The following LHFPL6 variants were observed in gnomAD, a reference collection of about 807,000 sequenced individuals.
LHFPL6 encodes LHFPL tetraspan subfamily member 6 protein.
LHFPL6 carries 9 observed loss-of-function variants against 20.6 expected under a neutral mutation model. The ratio of observed to expected loss-of-function variants is 0.44; its 90% CI spans 0.26 to 0.76. The LOEUF is 0.76. Ranked by LOEUF, LHFPL6 falls within the 30% of genes least tolerant of loss-of-function variation. The pLI, the probability that LHFPL6 is intolerant of heterozygous loss-of-function variation, is 0.20. For synonymous variants in LHFPL6, 105 were observed against 98.7 expected, an observed-to-expected ratio of 1.06 and a Z score of -0.38; for missense variants, 218 against 253.5, an observed-to-expected ratio of 0.86 and a Z score of 0.95.
chr13:39,512,551 G>A (rs1248630268), intron 2 of LHFPL6, among the ~76,000 whole-genome samples: 4 of 144,142 alleles, frequency 2.8e-5, no homozygotes, highest in Admixed American at 7.2e-5. Context: ...GCAGTGAGCC[G>A]AGATTGCGCC....
At position 39,601,243 on chromosome 13, in the gene LHFPL6, C is replaced by T. The variant is rs1158127308; in HGVS notation, c.-27G>A. ...TTTCACCAGATAGGGCAATGAGGAC[C>T]CCAAGTAAGTGTTCAGGGACTGCAG... On this transcript the variant is annotated 5_prime_UTR_variant, in exon 2 of 4. Coordinates refer to ENST00000379589, the MANE Select transcript of LHFPL6 (RefSeq NM_005780.3). 1.3e-6 allele frequency: 2 copies of T among 1,580,166 alleles called. No homozygotes were observed. Among genetic ancestry groups the T allele is most frequent in the Non-Finnish European group, 1.7e-6 (2 of 1,162,200 alleles).
intron 2 of LHFPL6, among the ~76,000 whole-genome samples, chr13:39,444,555 G>T (rs1034171205): frequency 6.6e-6 from 1 of 152,100 alleles, no homozygotes; most frequent in African/African-American, 2.4e-5. Flanking sequence ...ATTGCCTTGG[G>T]ACTCCACTCC....
chr13:39,519,804 G>T (rs1015427616), intron 2 of LHFPL6, among the ~76,000 whole-genome samples: 3 of 152,126 alleles, frequency 2.0e-5, no homozygotes, highest in African/African-American at 7.2e-5. Context: ...GAAGACAAAT[G>T]AGGTAATAGA....
At chr13:39,457,082 G>T (rs552619631) in intron 2 of LHFPL6, among the ~76,000 whole-genome samples, 4 of 152,022 alleles carry the variant, frequency 2.6e-5, no homozygotes, top group African/African-American at 9.7e-5. Flanking sequence ...TTATAGACGT[G>T]AGCCACAGCA....
chr13:39,505,384 T>A (rs1400021074), intron 2 of LHFPL6, among the ~76,000 whole-genome samples: 1 of 151,930 alleles, frequency 6.6e-6, no homozygotes, highest in Non-Finnish European at 1.5e-5. Flanking sequence ...CTACTATGCA[T>A]AAGGAATTGC....
chr13:39,476,580 T>C (rs977952892), intron 2 of LHFPL6, among the ~76,000 whole-genome samples: 8 of 152,202 alleles, frequency 5.3e-5, no homozygotes, highest in African/African-American at 1.9e-4. Context: ...GTAAAAATGT[T>C]AATAAAAACT....
chr13:39,447,201 T>C (rs757296438), intron 2 of LHFPL6, among the ~76,000 whole-genome samples: 15 of 152,238 alleles, frequency 9.9e-5, no homozygotes, highest in Non-Finnish European at 2.2e-4. Flanking sequence ...ATCACGCTTA[T>C]GAAGCACAAA....
chr13:39,568,314 A>C (rs1352814893), intron 2 of LHFPL6, among the ~76,000 whole-genome samples: 1 of 152,052 alleles, frequency 6.6e-6, no homozygotes, highest in Non-Finnish European at 1.5e-5. Flanking sequence ...ATATAAACTT[A>C]AGCAGGAAAA....
intron 2 of LHFPL6, among the ~76,000 whole-genome samples, chr13:39,407,911 G>A (rs899873837): frequency 1.3e-5 from 2 of 152,134 alleles, no homozygotes; most frequent in South Asian, 2.1e-4. Flanking sequence ...GGAAAGAAAC[G>A]GGAGTTTTCC....
chr13:39,592,804 A>G (rs1476530446), intron 2 of LHFPL6, among the ~76,000 whole-genome samples: 5 of 152,240 alleles, frequency 3.3e-5, no homozygotes, highest in Non-Finnish European at 1.5e-5. Flanking sequence ...CCTGGGATGC[A>G]AGGCTGGTTC....
chr13:39,403,422 T>C (rs1393945364), intron 2 of LHFPL6, among the ~76,000 whole-genome samples: 1 of 152,224 alleles, frequency 6.6e-6, no homozygotes, highest in Non-Finnish European at 1.5e-5. Flanking sequence ...TACTCTTCTG[T>C]TACAGTCTGT....
At chr13:39,575,664 C>T (rs560617409) in intron 2 of LHFPL6, among the ~76,000 whole-genome samples, 31 of 152,266 alleles carry the variant, frequency 2.0e-4, no homozygotes, top group African/African-American at 7.2e-4. Context: ...ACTGGGGTAG[C>T]AATTTGCCGG....
chr13:39,424,531 C>A (rs757967742), intron 2 of LHFPL6, among the ~76,000 whole-genome samples: 2 of 152,018 alleles, frequency 1.3e-5, no homozygotes, highest in Non-Finnish European at 2.9e-5. Flanking sequence ...TAGAAGGGCA[C>A]CCGAGTAAAG....
intron 3 of LHFPL6, among the ~76,000 whole-genome samples, chr13:39,355,528 C>T (rs1454647988): frequency 6.6e-6 from 1 of 152,150 alleles, no homozygotes; most frequent in Non-Finnish European, 1.5e-5. Context: ...CAAAACCTCA[C>T]ATATCAATAT....
At chr13:39,529,414 A>C (rs1870393969) in intron 2 of LHFPL6, among the ~76,000 whole-genome samples, 1 of 152,164 alleles carries the variant, frequency 6.6e-6, no homozygotes. Context: ...TTCTATCTAA[A>C]TATATTTAAT....
chr13:39,575,246 A>G (rs1367120246), intron 2 of LHFPL6, among the ~76,000 whole-genome samples: 1 of 152,184 alleles, frequency 6.6e-6, no homozygotes, highest in Non-Finnish European at 1.5e-5. Flanking sequence ...TAAAGACTGA[A>G]AGATGACGTG....
intron 2 of LHFPL6, among the ~76,000 whole-genome samples, chr13:39,430,476 T>C (rs910257844): frequency 2.6e-5 from 4 of 152,214 alleles, no homozygotes; most frequent in Non-Finnish European, 5.9e-5. Flanking sequence ...TCAAAAGTCC[T>C]TGCCAATACA....
intron 2 of LHFPL6, among the ~76,000 whole-genome samples, chr13:39,462,226 G>A (rs1473627363): frequency 6.6e-6 from 1 of 152,152 alleles, no homozygotes; most frequent in African/African-American, 2.4e-5. Context: ...ACCACCTTTA[G>A]AAGAAGAGGC....
intron 2 of LHFPL6, among the ~76,000 whole-genome samples, chr13:39,520,120 G>C (rs1020558393): frequency 6.6e-6 from 1 of 152,176 alleles, no homozygotes; most frequent in African/African-American, 2.4e-5. Flanking sequence ...CGGTTCATCT[G>C]AATCAACACC....
Sources: gnomAD v4.1 joint callset for allele counts (sites outside exome capture counted in the v4.1 genomes callset) on GRCh38, gnomAD v4.1.1 for gene constraint, MANE v1.5 for transcripts, NCBI Gene and HGNC (gene_info 2026-07-23, HGNC 2026-07-21) for gene names.